The following BBOF1 variants were observed in gnomAD, a reference collection of about 807,000 sequenced individuals.
BBOF1 encodes basal body-orientation factor 1.
A neutral mutation model predicts 68.0 loss-of-function variants in BBOF1; 62 were observed. That is an observed-to-expected ratio of 0.91 (90% CI 0.74 to 1.13). The LOEUF is 1.13. Ranked by LOEUF, BBOF1 falls within the 50% of genes most tolerant of loss-of-function variation. BBOF1 has a pLI of 0.00. For synonymous variants in BBOF1, 208 were observed against 198.8 expected (o/e 1.05, Z -0.39); for missense variants, 534 against 600.1 (o/e 0.89, Z 1.15).
intron 8 of BBOF1, among the ~76,000 whole-genome samples, chr14:74,051,063 G>T (rs571981588): frequency 1.3e-5 from 2 of 152,060 alleles, no homozygotes; most frequent in African/African-American, 2.4e-5. Context: ...GACCAACATG[G>T]TGAAACCCTG....
chr14:74,043,507 G>A (rs1380925268), intron 5 of BBOF1, among the ~76,000 whole-genome samples: 57 of 131,098 alleles, frequency 4.3e-4, no homozygotes, highest in Admixed American at 1.4e-3. Flanking sequence ...CCGAGATTGC[G>A]CCACTGCAGT....
At chr14:74,045,509 A>G (rs1345021805) in intron 5 of BBOF1, among the ~76,000 whole-genome samples, 1 of 151,978 alleles carries the variant, frequency 6.6e-6, no homozygotes, top group Non-Finnish European at 1.5e-5. Flanking sequence ...GGGTTTCTCC[A>G]TGTTGGTCAG....
At chr14:74,072,279 G>A in intron 9 of BBOF1, 1 of 1,614,236 alleles carries the variant, frequency 6.2e-7, no homozygotes, top group South Asian at 1.1e-5. Flanking sequence ...TGCCCATGCA[G>A]GAAAAGCACG....
chr14:74,077,247 C>T (rs1566836580), intron 9 of BBOF1, among the ~76,000 whole-genome samples: 1 of 152,176 alleles, frequency 6.6e-6, no homozygotes, highest in East Asian at 1.9e-4. Context: ...CCATTCCTGT[C>T]TGCTTCCTAC....
At chr14:74,060,060 G>A (rs1033966664) in intron 11 of BBOF1, 1 of 156,984 alleles carries the variant, frequency 6.4e-6, no homozygotes, top group African/African-American at 2.4e-5. Context: ...CTATGTTTGA[G>A]GATCAACCAA....
At chr14:74,029,104 T>C (rs750351775) in intron 2 of BBOF1, 80 bp from the exon 3 acceptor site, 7 of 851,172 alleles carry the variant, frequency 8.2e-6, no homozygotes, top group Non-Finnish European at 1.3e-5. Context: ...TTTAGTATTG[T>C]GTGAAACTAG....
At chr14:74,038,184 T>C (rs2059752255) in intron 4 of BBOF1, among the ~76,000 whole-genome samples, 2 of 152,242 alleles carry the variant, frequency 1.3e-5, no homozygotes, top group African/African-American at 4.8e-5. Flanking sequence ...TACATAGTAA[T>C]GTTGAATTAA....
chr14:74,050,055 G>A lies in BBOF1; in HGVS notation c.1146G>A (p.Lys382=). ...TCCTAATTAGCAGGAAGCATTATAAGCAGATAGCACAAGCTGCTTTCAATT... is the reference window on the plus strand; with the variant it reads ...TCCTAATTAGCAGGAAGCATTATAAACAGATAGCACAAGCTGCTTTCAATT... ...QQILISRKHY[K]QIAQAAFNLK... Residue 382 remains lysine, a synonymous_variant, in exon 8 of 12, where the codon AAG becomes AAA. Coordinates refer to ENST00000394009, the MANE Select transcript of BBOF1 (RefSeq NM_025057.3). 6.2e-7 allele frequency: 1 copy of A among 1,614,146 alleles called. No homozygotes were observed. The highest frequency in any genetic ancestry group is 8.5e-7 in the Non-Finnish European group (1 of 1,180,034).
intron 2 of BBOF1, among the ~76,000 whole-genome samples, chr14:74,024,429 C>G (rs1169635546): frequency 6.6e-6 from 1 of 152,146 alleles, no homozygotes; most frequent in Non-Finnish European, 1.5e-5. Flanking sequence ...GCAGTCCAAC[C>G]TGGACATCAG....
intron 6 of BBOF1, 97 bp downstream of exon 6, chr14:74,046,227 T>C (rs2059945932): frequency 9.1e-7 from 1 of 1,099,284 alleles, no homozygotes; most frequent in Non-Finnish European, 1.3e-6. Flanking sequence ...CCTTCTGTTC[T>C]GGCTTACTTG....
At chr14:74,076,711 T>G (rs2060617187) in intron 9 of BBOF1, among the ~76,000 whole-genome samples, 1 of 151,970 alleles carries the variant, frequency 6.6e-6, no homozygotes, top group Admixed American at 6.6e-5. Flanking sequence ...TAATTTTATT[T>G]TATTTTTTTT....
At chr14:74,046,442 G>C (rs1042078981) in intron 6 of BBOF1, among the ~76,000 whole-genome samples, 2 of 152,070 alleles carry the variant, frequency 1.3e-5, no homozygotes, top group Non-Finnish European at 2.9e-5. Context: ...GCATGAGCTT[G>C]GCTCACTGCA....
chr14:74,061,268 G>A (rs1196770197), intron 11 of BBOF1, among the ~76,000 whole-genome samples: 2 of 151,446 alleles, frequency 1.3e-5, no homozygotes, highest in Non-Finnish European at 1.5e-5. Flanking sequence ...GTGAGCCACC[G>A]TGCCCCCAGC....
At chr14:74,081,883 C>T (rs759826743) in intron 12 of BBOF1, among the ~76,000 whole-genome samples, 35 of 152,214 alleles carry the variant, frequency 2.3e-4, no homozygotes, top group African/African-American at 7.7e-4. Context: ...ACCATATCAC[C>T]GACAGTGCAA....
chr14:74,078,308 C>A (rs2060635159), exon 10 of BBOF1: 1 of 454,980 alleles, frequency 2.2e-6, no homozygotes, highest in Non-Finnish European at 4.4e-6. Flanking sequence ...GGAAAAGTGA[C>A]CGAGACAGTG....
chr14:74,063,801 G>T (rs2060401586), intron 11 of BBOF1, among the ~76,000 whole-genome samples: 1 of 150,766 alleles, frequency 6.6e-6, no homozygotes, highest in Admixed American at 6.6e-5. Flanking sequence ...GGGAGGCGGA[G>T]GTTGCAGTGA....
chr14:74,022,762 T>C (rs1047101497), intron 1 of BBOF1, among the ~76,000 whole-genome samples, 154 bp from the exon 2 acceptor site: 2 of 152,214 alleles, frequency 1.3e-5, no homozygotes, highest in Non-Finnish European at 2.9e-5. Context: ...TAACTTATTC[T>C]TCCAACAATA....
intron 5 of BBOF1, among the ~76,000 whole-genome samples, chr14:74,042,816 T>G (rs2139534563): frequency 6.6e-6 from 1 of 151,888 alleles, no homozygotes; most frequent in South Asian, 2.1e-4. Flanking sequence ...CTTCTCTCTC[T>G]CTCTTCCTCT....
rs780100779 is a variant in BBOF1, at chr14:74,046,066, C to T, written c.583C>T (p.Leu195=). ...ESRFFEEKHR[L]EQEAEKKIIM... ...AGCCCATTTTCTTTTTTAGCACCGA[C>T]TAGAACAAGAGGCTGAAAAGAAGAT... Residue 195 remains leucine, a synonymous_variant, in exon 6 of 12, where the codon CTA becomes TTA. Transcript: ENST00000394009. The T allele has an allele frequency of 3.1e-5, 50 of 1,606,968 alleles. No individual in the cohort carries two copies. In the South Asian group the frequency reaches 5.4e-4, roughly 17 times the overall value.
Sources: allele counts gnomAD v4.1 joint callset (sites outside exome capture counted in the v4.1 genomes callset), GRCh38; gene constraint gnomAD v4.1.1; transcripts MANE v1.5; gene names NCBI Gene and HGNC (gene_info 2026-07-23, HGNC 2026-07-21).